Variants in ACVR2B observed in about 807,000 individuals in gnomAD.
ACVR2B encodes the protein activin A receptor type 2B.
Under a neutral mutation model 65.1 loss-of-function variants are expected in ACVR2B, and 18 were observed. That is an observed-to-expected ratio of 0.28 (90% CI 0.19 to 0.41). The LOEUF (loss-of-function observed/expected upper bound fraction) is 0.41, where lower values mean the gene tolerates loss of function less well. ACVR2B is among the 10% of genes least tolerant of loss of function. ACVR2B has a pLI of 1.00. For missense variants in ACVR2B, 482 were observed against 682.7 expected, an observed-to-expected ratio of 0.71 and a Z score of 3.28; for synonymous variants, 298 against 277.7, an observed-to-expected ratio of 1.07 and a Z score of -0.73.
Position 38,470,585 on chromosome 3 carries a change from G to T in ACVR2B, c.53-6702G>T, listed in dbSNP as rs1270672809. 2.0e-5 allele frequency among the ~76,000 whole-genome samples: 3 copies of T among 152,198 alleles called. No homozygotes were observed. The South Asian group carries it at 6.2e-4, about 32-fold the overall frequency. On this transcript the variant is annotated intron_variant, in intron 1 of 10. Transcript: ENST00000352511. ...TGATCTCAGAAAGAAAGGCAGAGAT[G>T]CAGGGAGAGATGACTGTATGGATGC...
At chr3:38,475,277 G>T (rs894114133) in intron 1 of ACVR2B, 1 of 152,290 alleles carries the variant, frequency 6.6e-6, no homozygotes, top group Non-Finnish European at 1.5e-5. Context: ...GAAGGGCCTG[G>T]CTGGGGAAGC....
At chr3:38,468,248 G>C (rs1381573989) in intron 1 of ACVR2B, among the ~76,000 whole-genome samples, 1 of 152,210 alleles carries the variant, frequency 6.6e-6, no homozygotes, top group East Asian at 1.9e-4. Context: ...GAGGCCATGG[G>C]TGGAGTTGGC....
intron 1 of ACVR2B, among the ~76,000 whole-genome samples, chr3:38,464,815 A>G (rs1233383492): frequency 6.6e-6 from 1 of 151,928 alleles, no homozygotes; most frequent in Non-Finnish European, 1.5e-5. Flanking sequence ...CCAGCTACTT[A>G]GGAGACTGAG....
rs181279834 is a variant in ACVR2B at position 38,492,540 on chromosome 3, A to G, written c.*9208A>G. The G allele has an allele frequency of 7.0e-3, 1,068 of 152,314 alleles. 8 individuals are homozygous for G. The highest frequency in any genetic ancestry group is 0.025 in the African/African-American group (1,026 of 41,540). The allele number at this position is 152,314 out of a possible 1,614,324, so 9.4% of individuals were successfully genotyped here. A position where few individuals can be genotyped will look rare whatever the true frequency, so the allele number is the denominator to read the frequency against. On this transcript the variant is annotated 3_prime_UTR_variant, in exon 11 of 11. Transcript: ENST00000352511. The stretch of plus-strand genomic sequence containing the variant: ...ACCAGGATATGTGAGATGTAAATGT[A>G]GTAGGTCACTTTTCACCCTTGTAGC...
rs1710159841 is a variant in ACVR2B at position 38,488,501 on chromosome 3, C to A, written c.*5169C>A. On this transcript the variant is annotated 3_prime_UTR_variant, in exon 11 of 11. Transcript: ENST00000352511. ...AAAAGGCCTGCCAACAAAGAAAAGT[C>A]CAAATTATCTAGTGGGACATTTTGA... is the stretch of plus-strand genomic sequence containing the variant. The A allele has an allele frequency of 6.6e-6, 1 of 152,096 alleles. No individual in the cohort carries two copies. The highest frequency in any genetic ancestry group is 1.5e-5 in the Non-Finnish European group (1 of 68,006). 9.4% of individuals were successfully genotyped at this position (152,096 alleles called of 1,614,324 possible). A position where few individuals can be genotyped will look rare whatever the true frequency, so the allele number is the denominator to read the frequency against.
Position 38,486,945 on chromosome 3 carries a change from A to T in ACVR2B, c.*3613A>T, listed in dbSNP as rs1463439284. The T allele has an allele frequency of 6.6e-6, 1 of 152,372 alleles. No homozygotes were observed. The highest frequency in any genetic ancestry group is 1.5e-5 in the Non-Finnish European group (1 of 68,160). The allele number at this position is 152,372 out of a possible 1,614,324, so 9.4% of individuals were successfully genotyped here. On this transcript the variant is annotated 3_prime_UTR_variant, in exon 11 of 11. Coordinates refer to ENST00000352511, the MANE Select transcript of ACVR2B (RefSeq NM_001106.4). The stretch of plus-strand genomic sequence containing the variant: ...AGGCTGTAGACATAGTCATCAGAAC[A>T]TCCTGGCCTGGCATAAGCTGGGTTT...
intron 1 of ACVR2B, chr3:38,473,798 AT>A (rs1709860400): frequency 6.6e-6 from 1 of 152,248 alleles, no homozygotes; most frequent in Admixed American, 6.5e-5. Context: ...GCTGTGAAGT[AT>A]TGGAGTAGGA....
intron 1 of ACVR2B, among the ~76,000 whole-genome samples, chr3:38,462,002 G>C (rs1220019207): frequency 6.6e-6 from 1 of 152,080 alleles, no homozygotes; most frequent in Non-Finnish European, 1.5e-5. Context: ...AGACCAGCCT[G>C]ACCAACATGG....
rs753083596 is a variant in ACVR2B, at chr3:38,477,698, GTTCTTCC to G, written c.261-160_261-154del. On this transcript the variant is annotated intron_variant, in intron 2 of 10. Transcript: ENST00000352511. This position sits in a 1 kb window ranked among gnomAD's most constrained non-coding sequence, Gnocchi z 6.7. ...GGGGTCTCAGTGTCAACCCCTGGCT[GTTCTTCC>G]TTGGCTTTGGGTCTCCTGTAGGGGA... 5.4e-4 allele frequency among the ~76,000 whole-genome samples: 83 copies of G among 152,294 alleles called. No individual in the cohort carries two copies. The highest frequency in any genetic ancestry group is 3.4e-3 in the Middle Eastern group (1 of 294).
At chr3:38,467,123 C>T (rs1709743597) in intron 1 of ACVR2B, among the ~76,000 whole-genome samples, 1 of 152,168 alleles carries the variant, frequency 6.6e-6, no homozygotes, top group Middle Eastern at 3.4e-3. Flanking sequence ...CTAGGGTAAC[C>T]AAAGGATAGA....
intron 1 of ACVR2B, among the ~76,000 whole-genome samples, chr3:38,465,867 C>T (rs1320070058): frequency 6.6e-6 from 1 of 152,168 alleles, no homozygotes; most frequent in Non-Finnish European, 1.5e-5. Flanking sequence ...ATTTCCATCA[C>T]AGTAAAAATT....
intron 1 of ACVR2B, among the ~76,000 whole-genome samples, chr3:38,464,263 T>A (rs1386067855): frequency 1.3e-5 from 2 of 152,254 alleles, no homozygotes; most frequent in African/African-American, 4.8e-5. Context: ...CTGGTGTCTC[T>A]GTTGTTCTTG....
intron 1 of ACVR2B, among the ~76,000 whole-genome samples, chr3:38,464,935 T>C (rs1575580563): frequency 6.6e-6 from 1 of 152,106 alleles, no homozygotes; most frequent in South Asian, 2.1e-4. Context: ...CCTTTAGACA[T>C]GTTAATTCTT....
intron 1 of ACVR2B, among the ~76,000 whole-genome samples, chr3:38,456,687 A>G (rs1709556082): frequency 6.6e-6 from 1 of 151,928 alleles, no homozygotes; most frequent in South Asian, 2.1e-4. Flanking sequence ...TTCTTACTGC[A>G]TTCTCAAATG....
chr3:38,477,843 A>G lies in ACVR2B; in HGVS notation c.261-18A>G, dbSNP rs747846107. On this transcript the variant is annotated intron_variant, in intron 2 of 10. Transcript: ENST00000352511. The surrounding 1 kb of genome is among the most constrained non-coding windows in gnomAD (Gnocchi z 6.7). The stretch of plus-strand genomic sequence containing the variant: ...CATCCCCCAGGTGAGGGGTATATGG[A>G]AAATTCTGTGCCTCCAGGCAGGAGT... The G allele has an allele frequency of 1.2e-6, 2 of 1,613,304 alleles. No homozygotes were observed. Among genetic ancestry groups the G allele is most frequent in the Non-Finnish European group, 1.7e-6 (2 of 1,179,524 alleles).
At chr3:38,468,278 T>C (rs940758169) in intron 1 of ACVR2B, among the ~76,000 whole-genome samples, 8 of 152,154 alleles carry the variant, frequency 5.3e-5, no homozygotes, top group Admixed American at 3.9e-4. Flanking sequence ...GGTGATCTGA[T>C]TGGGCTGTTT....
chr3:38,476,795 CCTGGAAATACGTATTTGAATGAACA>C (rs1709917478), intron 1 of ACVR2B: 1 of 213,598 alleles, frequency 4.7e-6, no homozygotes, highest in Non-Finnish European at 9.5e-6. Flanking sequence ...CTGGATTGGG[CCTGGAAATACGTATTTGAATGAACA>C]CTGCTCCCCT....
In ACVR2B at chr3:38,492,801, C is replaced by CACACAT. The variant is rs2059823703; in HGVS notation, c.*9472_*9473insCATACA. On this transcript the variant is annotated 3_prime_UTR_variant, in exon 11 of 11. Coordinates refer to ENST00000352511, the MANE Select transcript of ACVR2B (RefSeq NM_001106.4). Reference sequence around the variant, plus strand: ...ACACACACACACACACACACACACACACATACACCTAAAATGGCCTAAAGC... The same window carrying CACACAT: ...ACACACACACACACACACACACACACACACATACATACACCTAAAATGGCCTAAAGC... 5.7e-5 allele frequency: 4 copies of CACACAT among 70,610 alleles called. No homozygotes were observed. Among genetic ancestry groups the CACACAT allele is most frequent in the African/African-American group, 2.1e-4 (4 of 19,504 alleles). 4.4% of individuals were successfully genotyped at this position (70,610 alleles called of 1,614,324 possible).
At chr3:38,468,012 A>G (rs1709760854) in intron 1 of ACVR2B, among the ~76,000 whole-genome samples, 1 of 152,022 alleles carries the variant, frequency 6.6e-6, no homozygotes, top group African/African-American at 2.4e-5. Context: ...TGAAGTAGCT[A>G]GGACCACAGG....
Sources: allele counts gnomAD v4.1 joint callset (sites outside exome capture counted in the v4.1 genomes callset), GRCh38; gene constraint gnomAD v4.1.1; non-coding constraint Gnocchi (gnomAD v3.1); transcripts MANE v1.5; gene names NCBI Gene and HGNC (gene_info 2026-07-23, HGNC 2026-07-21).